Variants in VAV3 observed in about 807,000 individuals in gnomAD.
VAV3 encodes the protein vav guanine nucleotide exchange factor 3.
A neutral mutation model predicts 131.2 loss-of-function variants in VAV3; 94 were observed. That is an observed-to-expected ratio of 0.72 (90% CI 0.61 to 0.85). VAV3 has a LOEUF of 0.85. Among genes scored for constraint, VAV3 ranks in the 40% least tolerant of loss-of-function variants. VAV3 has a pLI of 0.00. For missense variants in VAV3, 939 were observed against 1,002.7 expected (o/e 0.94, Z 0.86); for synonymous variants, 349 against 342.0 (o/e 1.02, Z -0.22).
intron 1 of VAV3, among the ~76,000 whole-genome samples, chr1:107,896,100 T>C (rs1395754274): frequency 6.6e-6 from 1 of 152,116 alleles, no homozygotes; most frequent in Non-Finnish European, 1.5e-5. Flanking sequence ...TCTAATTCCA[T>C]CAGAACAACA....
intron 1 of VAV3, among the ~76,000 whole-genome samples, chr1:107,902,073 A>C (rs1671887080): frequency 6.6e-6 from 1 of 152,048 alleles, no homozygotes; most frequent in Non-Finnish European, 1.5e-5. Flanking sequence ...ACAACAACAA[A>C]AACTGTTATT....
In VAV3 at chr1:107,813,055, A is replaced by G. The variant is rs183791234; in HGVS notation, c.322-33563T>C. The stretch of plus-strand genomic sequence containing the variant: ...GGAGAATGGCATGAACCCAGGAGGC[A>G]GAGCTGGCAGTGAGCCGAGATTGCG... On this transcript the variant is annotated intron_variant, in intron 2 of 26. Coordinates refer to ENST00000370056, the MANE Select transcript of VAV3 (RefSeq NM_006113.5). 1.9e-3 allele frequency among the ~76,000 whole-genome samples: 281 copies of G among 151,724 alleles called. 2 individuals are homozygous for G. Among genetic ancestry groups the G allele is most frequent in the Non-Finnish European group, 2.3e-3 (159 of 67,872 alleles).
At chr1:107,577,381 C>T (rs964648169) in intron 25 of VAV3, among the ~76,000 whole-genome samples, 7 of 152,202 alleles carry the variant, frequency 4.6e-5, no homozygotes, top group Non-Finnish European at 8.8e-5. Context: ...ACTATGGTGC[C>T]ACTGCAATGG....
chr1:107,946,074 A>AGAT (rs1674249385), intron 1 of VAV3, among the ~76,000 whole-genome samples: 6 of 152,106 alleles, frequency 3.9e-5, no homozygotes, highest in Non-Finnish European at 7.4e-5. Flanking sequence ...TAAGGGTTAC[A>AGAT]AAGGGGTTCA....
intron 19 of VAV3, among the ~76,000 whole-genome samples, chr1:107,656,841 A>C (rs1436653988): frequency 1.3e-5 from 2 of 152,108 alleles, no homozygotes. Flanking sequence ...AGAGTAGAAA[A>C]AGAGTAAACA....
At chr1:107,766,696 G>C (rs1198367890) in intron 7 of VAV3, 146 bp from the exon 8 acceptor site, 1 of 655,142 alleles carries the variant, frequency 1.5e-6, no homozygotes, top group Non-Finnish European at 2.7e-6. Context: ...CCAATAAAGA[G>C]AGAGGGAAAA....
At chr1:107,871,481 ACT>A (rs1432442575) in intron 2 of VAV3, among the ~76,000 whole-genome samples, 1 of 150,898 alleles carries the variant, frequency 6.6e-6, no homozygotes, top group East Asian at 1.9e-4. Flanking sequence ...AAGTTACTAA[ACT>A]CACTCCTCTT....
chr1:107,813,858 T>C (rs1667435767), intron 2 of VAV3, among the ~76,000 whole-genome samples: 1 of 152,126 alleles, frequency 6.6e-6, no homozygotes, highest in Non-Finnish European at 1.5e-5. Context: ...ACATGTGATA[T>C]TTGTCTTTCT....
At chr1:107,655,829 G>A (rs190733092) in intron 19 of VAV3, among the ~76,000 whole-genome samples, 8 of 152,172 alleles carry the variant, frequency 5.3e-5, no homozygotes, top group African/African-American at 9.6e-5. Flanking sequence ...CATATTAGTC[G>A]TCAACAGGTA....
intron 1 of VAV3, among the ~76,000 whole-genome samples, chr1:107,941,161 G>T (rs774189443): frequency 1.3e-5 from 2 of 152,116 alleles, no homozygotes; most frequent in Non-Finnish European, 2.9e-5. Context: ...TGCAGTGGTG[G>T]CAACCGTAGT....
intron 2 of VAV3, among the ~76,000 whole-genome samples, chr1:107,869,381 C>T (rs2101005444): frequency 6.6e-6 from 1 of 152,270 alleles, no homozygotes; most frequent in South Asian, 2.1e-4. Context: ...CAAAATTCGA[C>T]ACCTATGTTT....
chr1:107,676,735 A>G (rs1387967136), intron 19 of VAV3, among the ~76,000 whole-genome samples: 2 of 152,182 alleles, frequency 1.3e-5, no homozygotes, highest in Non-Finnish European at 2.9e-5. Context: ...ATGTAGTTCT[A>G]GTAAATTTAC....
chr1:107,964,528 G>T (rs1290067966), intron 1 of VAV3, 138 bp downstream of exon 1: 7 of 937,130 alleles, frequency 7.5e-6, no homozygotes, highest in Non-Finnish European at 9.3e-6. Flanking sequence ...AAGTGGTGCC[G>T]AAGTGGTCCC....
Position 107,609,915 on chromosome 1 carries a change from C to T in VAV3, c.2015+16G>A, listed in dbSNP as rs770737568. The T allele has an allele frequency of 2.5e-6, 4 of 1,611,130 alleles. No homozygotes were observed. The highest frequency in any genetic ancestry group is 1.1e-5 in the South Asian group (1 of 90,762). ...TGGTATTTCAACCTAGCTACATAAA[C>T]ATTTTTAATACTTACCAGGGTTGGC... On this transcript the variant is annotated intron_variant, in intron 22 of 26. Coordinates refer to ENST00000370056, the MANE Select transcript of VAV3 (RefSeq NM_006113.5).
chr1:107,952,468 T>TTTATATA (rs1553235441), intron 1 of VAV3, among the ~76,000 whole-genome samples: 210 of 118,772 alleles, frequency 1.8e-3, no homozygotes, highest in East Asian at 2.2e-3. Flanking sequence ...TAACAAAACT[T>TTTATATA]TATATATATA....
At chr1:107,843,535 GTGTA>G (rs1201705433) in intron 2 of VAV3, among the ~76,000 whole-genome samples, 1 of 147,634 alleles carries the variant, frequency 6.8e-6, no homozygotes, top group Non-Finnish European at 1.5e-5. Context: ...GTGTGTGTGT[GTGTA>G]TATATATATA....
intron 19 of VAV3, among the ~76,000 whole-genome samples, chr1:107,666,324 A>G (rs1179296883): frequency 6.6e-6 from 1 of 152,222 alleles, no homozygotes; most frequent in East Asian, 1.9e-4. Context: ...AAAATATAAG[A>G]GTTAATGTCT....
intron 2 of VAV3, among the ~76,000 whole-genome samples, chr1:107,845,385 C>T (rs532673530): frequency 6.6e-6 from 1 of 152,226 alleles, no homozygotes; most frequent in Non-Finnish European, 1.5e-5. Context: ...ACCAGAATGC[C>T]TCTCATCCTC....
chr1:107,915,714 G>A (rs1396297437), intron 1 of VAV3, among the ~76,000 whole-genome samples: 1 of 152,170 alleles, frequency 6.6e-6, no homozygotes, highest in East Asian at 1.9e-4. Flanking sequence ...CAAACCCAGA[G>A]CCTAGCTCAG....
Sources: allele counts gnomAD v4.1 joint callset (sites outside exome capture counted in the v4.1 genomes callset), GRCh38; gene constraint gnomAD v4.1.1; transcripts MANE v1.5; gene names NCBI Gene and HGNC (gene_info 2026-07-23, HGNC 2026-07-21).